KIF20B: variants seen among roughly 807,000 people sequenced by gnomAD.
The protein encoded by KIF20B is kinesin-like protein KIF20B.
A neutral mutation model predicts 232.5 loss-of-function variants in KIF20B; 188 were observed. The ratio of observed to expected loss-of-function variants is 0.81; its 90% CI spans 0.72 to 0.91. The LOEUF is 0.91. Ranked by LOEUF, KIF20B falls within the 40% of genes least tolerant of loss-of-function variation. The probability of loss-of-function intolerance (pLI) is 0.00; values close to 1 mark genes in which losing one functional copy is unlikely to be tolerated. For missense variants in KIF20B, 2,154 were observed against 2,055.9 expected, an observed-to-expected ratio of 1.05 and a Z score of -0.92; for synonymous variants, 712 against 683.0, an observed-to-expected ratio of 1.04 and a Z score of -0.66.
chr10:89,744,661 T>C (rs1174435464), intron 22 of KIF20B, among the ~76,000 whole-genome samples: 1 of 152,196 alleles, frequency 6.6e-6, no homozygotes, highest in African/African-American at 2.4e-5. Context: ...TTATTGTATA[T>C]GGTTATTTTT....
intron 14 of KIF20B, 53 bp downstream of exon 14, chr10:89,724,156 T>G: frequency 1.4e-6 from 2 of 1,407,510 alleles, no homozygotes; most frequent in South Asian, 3.7e-5. Flanking sequence ...ATTTAGTTTT[T>G]TAGTTTTTTT....
chr10:89,761,186 T>G (rs1380152822), intron 28 of KIF20B, among the ~76,000 whole-genome samples: 1 of 152,184 alleles, frequency 6.6e-6, no homozygotes, highest in African/African-American at 2.4e-5. Context: ...TTGGGAGCAT[T>G]CAGAGTTGGG....
At chr10:89,772,547 C>A in intron 31 of KIF20B, 142 bp from the exon 32 acceptor site, 3 of 448,096 alleles carry the variant, frequency 6.7e-6, no homozygotes, top group Non-Finnish European at 4.0e-6. Flanking sequence ...CATGCCCTTT[C>A]ACCATATATA....
intron 2 of KIF20B, among the ~76,000 whole-genome samples, chr10:89,706,177 A>G (rs1022042600): frequency 2.6e-5 from 4 of 152,080 alleles, no homozygotes; most frequent in African/African-American, 9.7e-5. Flanking sequence ...GGAACTTTTT[A>G]TTTCTAGTGG....
chr10:89,726,442 T>A lies in KIF20B; in HGVS notation c.2151T>A (p.Phe717Leu). 2.5e-6 allele frequency: 4 copies of A among 1,606,122 alleles called. No individual in the cohort carries two copies. The highest frequency in any genetic ancestry group is 3.4e-6 in the Non-Finnish European group (4 of 1,175,402). ...QEATACLELK[F>L]NQIKAELAKT... Reference sequence around the variant, plus strand: ...CTACTGCTTGTTTAGAACTAAAGTTTAATCAAATTAAAGCTGAATTAGCTA... The same window carrying A: ...CTACTGCTTGTTTAGAACTAAAGTTAAATCAAATTAAAGCTGAATTAGCTA... The change falls in exon 16 of 33, where the codon TTT becomes TTA. Residue 717 changes from phenylalanine (F) to leucine (L), a missense_variant. Physicochemically the swap from Phe to Leu is conservative, Grantham distance 22. Transcript: ENST00000371728.
At chr10:89,768,945 TACC>T in intron 31 of KIF20B, 57 bp downstream of exon 31, 1 of 1,376,538 alleles carries the variant, frequency 7.3e-7, no homozygotes, top group Non-Finnish European at 1.0e-6. Flanking sequence ...TATATTTTAA[TACC>T]TAATTGATAT....
chr10:89,757,040 GTATATA>G (rs34325599), intron 26 of KIF20B, among the ~76,000 whole-genome samples: 5,474 of 110,696 alleles, frequency 0.049, 187 homozygotes, highest in Middle Eastern at 0.1. Flanking sequence ...GTGTGTGTGT[GTATATA>G]TATATATATA....
chr10:89,764,232 T>A (rs1262866265), intron 29 of KIF20B, among the ~76,000 whole-genome samples: 7 of 152,074 alleles, frequency 4.6e-5, no homozygotes, highest in Admixed American at 1.3e-4. Flanking sequence ...GAACTCATCA[T>A]TTTTTATGGC....
chr10:89,718,829 A>G lies in KIF20B; in HGVS notation c.1391A>G (p.Asp464Gly), dbSNP rs1842989511. 1.2e-6 allele frequency: 2 copies of G among 1,606,582 alleles called. No individual in the cohort carries two copies. The highest frequency in any genetic ancestry group is 1.1e-5 in the South Asian group (1 of 89,562). ...VNISQCYLAY[D>G]ETLNVLKFSA... ...ATCAGCCAATGTTATTTAGCCTATG[A>G]TGAAACACTCAATGTATTGAAGTTC... The change falls in exon 12 of 33, where the codon GAT becomes GGT. Residue 464 changes from aspartate to glycine, a missense_variant. Transcript: ENST00000371728.
chr10:89,740,825 C>T (rs956630121), intron 21 of KIF20B, among the ~76,000 whole-genome samples: 5 of 151,938 alleles, frequency 3.3e-5, no homozygotes, highest in Admixed American at 1.3e-4. Flanking sequence ...TGCCCTAGCT[C>T]CTTTTAAATT....
At chr10:89,704,951 A>G (rs574452910) in intron 1 of KIF20B, among the ~76,000 whole-genome samples, 7 of 152,342 alleles carry the variant, frequency 4.6e-5, no homozygotes, top group African/African-American at 1.7e-4. Flanking sequence ...GTTATAATTT[A>G]CCCTGTGATC....
At chr10:89,736,522 A>C (rs1277331072) in intron 19 of KIF20B, among the ~76,000 whole-genome samples, 3 of 152,188 alleles carry the variant, frequency 2.0e-5, no homozygotes, top group Non-Finnish European at 4.4e-5. Flanking sequence ...ACATGTATAC[A>C]ACATTTATGT....
rs750426962 is a variant in KIF20B, at chr10:89,743,862, G to A, written c.3970G>A (p.Glu1324Lys). 2.5e-6 allele frequency: 4 copies of A among 1,578,918 alleles called. No individual in the cohort carries two copies. In the South Asian group the frequency reaches 3.5e-5, roughly 14 times the overall value. ...ACTGAGGATTAAAATTAATGAACTG[G>A]AGAAAAAGAAAAACCAGTGTTCTCA... ...KLLRIKINEL[E>K]KKKNQCSQEL... Residue 1324 changes from glutamate to lysine, a missense_variant, in exon 22 of 33, where the codon GAG (glutamate) becomes AAG (lysine). Transcript: ENST00000371728.
chr10:89,711,138 T>C lies in KIF20B; in HGVS notation c.668T>C (p.Ile223Thr), dbSNP rs775018455. The change falls in exon 6 of 33, where the codon ATT becomes ACT. Residue 223 changes from isoleucine (I) to threonine (T), a missense_variant. By Grantham distance (89) the Ile-to-Thr change is moderately conservative. Transcript: ENST00000371728. The stretch of plus-strand genomic sequence containing the variant: ...AGCAAAAGTGCATTGCTTCGGCAAA[T>C]TAAAGAGGTATGGAAATATTTTAGT... ...IASKSALLRQ[I>T]KEVTVHNDSD... 1 of 1,537,064 alleles carries C rather than the reference T, an allele frequency of 6.5e-7. No individual in the cohort carries two copies. Among genetic ancestry groups the C allele is most frequent in the Non-Finnish European group, 8.8e-7 (1 of 1,137,706 alleles).
At chr10:89,727,075 G>A (rs1455786134) in intron 16 of KIF20B, among the ~76,000 whole-genome samples, 1 of 151,828 alleles carries the variant, frequency 6.6e-6, no homozygotes, top group Non-Finnish European at 1.5e-5. Context: ...GCCTCCCAAA[G>A]TGCTGGGATT....
Position 89,738,360 on chromosome 10 carries a change from G to A in KIF20B, c.3519G>A (p.Gln1173=). 1 of 1,609,664 alleles carries A rather than the reference G, an allele frequency of 6.2e-7. No individual in the cohort carries two copies. Among genetic ancestry groups the A allele is most frequent in the South Asian group, 1.1e-5 (1 of 89,692 alleles). The change falls in exon 20 of 33, where the codon CAG becomes CAA. Residue 1173 remains glutamine, a synonymous_variant. Coordinates refer to ENST00000371728, the MANE Select transcript of KIF20B (RefSeq NM_001284259.2). The part of the protein sequence containing the change: ...IKELETILET[Q]KVECSHSAKL... Reference sequence around the variant, plus strand: ...AACTTGAAACAATTTTAGAGACTCAGAAAGTTGAATGTAGTCATTCAGCCA... The same window carrying A: ...AACTTGAAACAATTTTAGAGACTCAAAAAGTTGAATGTAGTCATTCAGCCA...
intron 23 of KIF20B, among the ~76,000 whole-genome samples, chr10:89,750,835 A>G (rs560201180): frequency 2.6e-5 from 4 of 152,300 alleles, no homozygotes; most frequent in African/African-American, 9.6e-5. Flanking sequence ...TAAAATAGAA[A>G]CAAATATTTG....
intron 23 of KIF20B, among the ~76,000 whole-genome samples, chr10:89,748,838 G>GC (rs1320317797): frequency 6.6e-6 from 1 of 151,460 alleles, no homozygotes; most frequent in Non-Finnish European, 1.5e-5. Context: ...TATGGCATAG[G>GC]CCCACCGTGA....
intron 24 of KIF20B, 61 bp downstream of exon 24, chr10:89,751,532 A>G: frequency 6.7e-7 from 1 of 1,492,190 alleles, no homozygotes; most frequent in Non-Finnish European, 9.1e-7. Context: ...AAAATTTCCT[A>G]GATTTCTTCC....
Sources: gnomAD v4.1 joint callset for allele counts (sites outside exome capture counted in the v4.1 genomes callset) on GRCh38, gnomAD v4.1.1 for gene constraint, MANE v1.5 for transcripts, NCBI Gene and HGNC (gene_info 2026-07-23, HGNC 2026-07-21) for gene names.